Variants in ACTR3C observed in about 807,000 individuals in gnomAD.
ACTR3C encodes the protein actin-related protein 3C.
Under a neutral mutation model 26.3 loss-of-function variants are expected in ACTR3C, and 18 were observed. The ratio of observed to expected loss-of-function variants is 0.68; its 90% CI spans 0.47 to 1.01. The LOEUF is 1.01. ACTR3C is among the 50% of genes least tolerant of loss of function. The pLI, the probability that ACTR3C is intolerant of heterozygous loss-of-function variation, is 0.00. For missense variants in ACTR3C, 184 were observed against 250.7 expected (o/e 0.73, Z 1.80); for synonymous variants, 55 against 94.5 (o/e 0.58, Z 2.42).
chr7:149,975,068 T>G, the ACTR3C span, among the ~76,000 whole-genome samples: 25 of 152,290 alleles, frequency 1.6e-4, no homozygotes, highest in South Asian at 5.0e-3. Context: ...ATTATTAGAC[T>G]CCGCCAAGCC....
the ACTR3C span, among the ~76,000 whole-genome samples, chr7:149,989,649 A>G: frequency 2.1e-4 from 32 of 152,220 alleles, no homozygotes; most frequent in Non-Finnish European, 1.3e-4. Flanking sequence ...CATTGTGTGC[A>G]TACACCACAC....
At chr7:150,034,326 C>A in the ACTR3C span, among the ~76,000 whole-genome samples, 42,586 of 147,824 alleles carry the variant, frequency 0.29, 6,494 homozygotes, top group East Asian at 0.6. Context: ...GGTTAAAAGT[C>A]CAGCTGCCAT....
chr7:150,077,081 C>T, the ACTR3C span, among the ~76,000 whole-genome samples: 2 of 152,248 alleles, frequency 1.3e-5, no homozygotes, highest in Admixed American at 6.5e-5. Flanking sequence ...AGGAGAATCA[C>T]TTGAACCCAG....
the ACTR3C span, among the ~76,000 whole-genome samples, chr7:150,027,202 T>C: frequency 6.6e-6 from 1 of 152,062 alleles, no homozygotes; most frequent in East Asian, 1.9e-4. Flanking sequence ...AAATTCCTGA[T>C]AGTACACAGT....
the ACTR3C span, among the ~76,000 whole-genome samples, chr7:150,199,653 TA>T: frequency 0.17 from 12,729 of 74,774 alleles, 1,131 homozygotes; most frequent in East Asian, 0.29. Context: ...AAAAAATAAA[TA>T]AAAAAAAATA....
At chr7:150,043,712 T>C in the ACTR3C span, among the ~76,000 whole-genome samples, 1 of 152,208 alleles carries the variant, frequency 6.6e-6, no homozygotes, top group Non-Finnish European at 1.5e-5. Flanking sequence ...TGGGATCAAG[T>C]AGACAGTTGA....
At chr7:150,100,089 A>G in the ACTR3C span, among the ~76,000 whole-genome samples, 1 of 151,670 alleles carries the variant, frequency 6.6e-6, no homozygotes, top group Non-Finnish European at 1.5e-5. Flanking sequence ...CTTCTGATAT[A>G]GAGACTGGAA....
chr7:149,985,487 A>G, the ACTR3C span, among the ~76,000 whole-genome samples: 1 of 152,282 alleles, frequency 6.6e-6, no homozygotes, highest in Non-Finnish European at 1.5e-5. Flanking sequence ...TTCTCAAAAC[A>G]TTCTTATGAG....
chr7:149,952,880 A>C, the ACTR3C span, among the ~76,000 whole-genome samples: 11 of 151,702 alleles, frequency 7.3e-5, no homozygotes, highest in Non-Finnish European at 2.9e-5. Context: ...AACTGATATA[A>C]ATTTTCTAAA....
chr7:150,037,782 G>A, the ACTR3C span, among the ~76,000 whole-genome samples: 14 of 40,258 alleles, frequency 3.5e-4, 2 homozygotes, highest in Non-Finnish European at 7.0e-4. Flanking sequence ...CCCCTCCTGC[G>A]ATGGGGGTCC....
At chr7:150,278,890 A>G (rs915563209) in intron 6 of ACTR3C, among the ~76,000 whole-genome samples, 3 of 152,090 alleles carry the variant, frequency 2.0e-5, no homozygotes, top group African/African-American at 7.3e-5. Flanking sequence ...TTATACTTCA[A>G]CCAGGACTTC....
chr7:150,164,382 G>A, the ACTR3C span, among the ~76,000 whole-genome samples: 60 of 152,262 alleles, frequency 3.9e-4, no homozygotes, highest in African/African-American at 1.2e-3. Flanking sequence ...TCAGATCCTC[G>A]GTGTGTCCTC....
At chr7:150,250,424 T>C (rs1266353359) in intron 6 of ACTR3C, among the ~76,000 whole-genome samples, 1 of 151,590 alleles carries the variant, frequency 6.6e-6, no homozygotes, top group Non-Finnish European at 1.5e-5. Context: ...AGGATGGTCT[T>C]GACCTCCTGA....
chr7:150,059,194 A>G, the ACTR3C span, among the ~76,000 whole-genome samples: 3 of 152,236 alleles, frequency 2.0e-5, no homozygotes, highest in South Asian at 2.1e-4. Context: ...TGGCATAAGC[A>G]TGCTAAGAGA....
At chr7:150,194,872 T>A in the ACTR3C span, among the ~76,000 whole-genome samples, 2 of 152,096 alleles carry the variant, frequency 1.3e-5, no homozygotes, top group Non-Finnish European at 2.9e-5. Context: ...GGCAGGCAGA[T>A]GACCTGAGGC....
At chr7:150,028,423 T>G in the ACTR3C span, among the ~76,000 whole-genome samples, 1 of 152,080 alleles carries the variant, frequency 6.6e-6, no homozygotes. Flanking sequence ...TCAATGTAAT[T>G]TGACAATTCT....
At chr7:150,160,054 C>A in the ACTR3C span, among the ~76,000 whole-genome samples, 1 of 152,148 alleles carries the variant, frequency 6.6e-6, no homozygotes, top group African/African-American at 2.4e-5. Flanking sequence ...CTCAGCCTCC[C>A]AAAGTGCTGG....
chr7:149,969,192 GAA>G, the ACTR3C span, among the ~76,000 whole-genome samples: 1 of 152,106 alleles, frequency 6.6e-6, no homozygotes, highest in Non-Finnish European at 1.5e-5. Context: ...TTCTTGGACA[GAA>G]ACAGATCACA....
At chr7:149,952,603 A>C in the ACTR3C span, among the ~76,000 whole-genome samples, 1 of 148,016 alleles carries the variant, frequency 6.8e-6, no homozygotes, top group South Asian at 2.1e-4. Flanking sequence ...GAATAAATGA[A>C]TAAATGAGTG....
Sources: allele counts gnomAD v4.1 joint callset (sites outside exome capture counted in the v4.1 genomes callset), GRCh38; gene constraint gnomAD v4.1.1; transcripts MANE v1.5; gene names NCBI Gene and HGNC (gene_info 2026-07-23, HGNC 2026-07-21).